The following CALML4 variants were observed in gnomAD, a reference collection of about 807,000 sequenced individuals.
The protein encoded by CALML4 is calmodulin-like protein 4.
A neutral mutation model predicts 17.9 loss-of-function variants in CALML4; 16 were observed. The ratio of observed to expected loss-of-function variants is 0.89; its 90% CI spans 0.61 to 1.36. The LOEUF (loss-of-function observed/expected upper bound fraction) is 1.36, where lower values mean the gene tolerates loss of function less well. Ranked by LOEUF, CALML4 falls within the 40% of genes most tolerant of loss-of-function variation. The pLI, the probability that CALML4 is intolerant of heterozygous loss-of-function variation, is 0.00. For synonymous variants in CALML4, 86 were observed against 71.5 expected (o/e 1.20, Z -1.02); for missense variants, 203 against 194.8 (o/e 1.04, Z -0.25).
In CALML4 at chr15:68,199,663, G is replaced by A; in HGVS notation, c.53C>T (p.Ser18Phe). The A allele has an allele frequency of 6.2e-7, 1 of 1,613,270 alleles. No homozygotes were observed. The highest frequency in any genetic ancestry group is 1.1e-5 in the South Asian group (1 of 91,042). The change falls in exon 3 of 5, where the codon TCC becomes TTC. Residue 18 changes from serine (S) to phenylalanine (F), a missense_variant. Transcript: ENST00000467889. ...CCCCCTCTGCTGCTTGTCATACAGG[G>A]AGAAGCATTCCTTGTACTCTGCACA... ...DQINEYKECF[S>F]LYDKQQRGKI...
chr15:68,202,607 T>G (rs1355683721), intron 2 of CALML4, among the ~76,000 whole-genome samples: 1 of 151,400 alleles, frequency 6.6e-6, no homozygotes, highest in Non-Finnish European at 1.5e-5. Context: ...ATAAATTCCA[T>G]CTAGCCACTT....
Position 68,191,795 on chromosome 15 carries a change from A to AC in CALML4, c.*2219dup, listed in dbSNP as rs1453955442. On this transcript the variant is annotated 3_prime_UTR_variant, in exon 5 of 5. Transcript: ENST00000467889. The stretch of plus-strand genomic sequence containing the variant: ...TTTCAGGAATGAGCTTGAAACCAGG[A>AC]CCAGGAGTAAGGTAACAGCCCTTCC... 2.0e-5 allele frequency: 3 copies of AC among 152,236 alleles called. No individual in the cohort carries two copies. The highest frequency in any genetic ancestry group is 7.2e-5 in the African/African-American group (3 of 41,454). 9.4% of individuals were successfully genotyped at this position (152,236 alleles called of 1,614,324 possible). A position where few individuals can be genotyped will look rare whatever the true frequency, so the allele number is the denominator to read the frequency against.
In CALML4 at chr15:68,196,752, C is replaced by T. The variant is rs567329679; in HGVS notation, c.364+688G>A. Reference sequence around the variant, plus strand: ...GGCTTTCCTAGAAGACCCCAGGCCTCGTCCTGCTCTGAGGCAGGACAGCCT... The same window carrying T: ...GGCTTTCCTAGAAGACCCCAGGCCTTGTCCTGCTCTGAGGCAGGACAGCCT... On this transcript the variant is annotated intron_variant, in intron 4 of 4. Transcript: ENST00000467889. Among the ~76,000 whole-genome samples, 7 of 152,266 alleles carry T rather than the reference C, an allele frequency of 4.6e-5. No homozygotes were observed. The South Asian group carries it at 6.2e-4, about 14-fold the overall frequency.
Position 68,199,634 on chromosome 15 carries a change from T to C in CALML4, c.82A>G (p.Ile28Val), listed in dbSNP as rs780279118. ...SLYDKQQRGKIKATDLMVAMR... is the reference protein window; with the variant it reads ...SLYDKQQRGKVKATDLMVAMR... Reference sequence around the variant, plus strand: ...GCCACCATGAGGTCGGTGGCTTTTATCTTCCCCCTCTGCTGCTTGTCATAC... The same window carrying C: ...GCCACCATGAGGTCGGTGGCTTTTACCTTCCCCCTCTGCTGCTTGTCATAC... Residue 28 changes from isoleucine (I) to valine (V), a missense_variant, in exon 3 of 5, where the codon ATA becomes GTA. Coordinates refer to ENST00000467889, the MANE Select transcript of CALML4 (RefSeq NM_033429.3). 5.0e-6 allele frequency: 8 copies of C among 1,613,610 alleles called. No homozygotes were observed. The South Asian group carries it at 8.8e-5, about 18-fold the overall frequency.
In CALML4 at chr15:68,193,647, TA is replaced by T. The variant is rs2093130389; in HGVS notation, c.*367del. On this transcript the variant is annotated 3_prime_UTR_variant, in exon 5 of 5. Coordinates refer to ENST00000467889, the MANE Select transcript of CALML4 (RefSeq NM_033429.3). ...TCCTTCCTCAACAGGCTCCATGAGG[TA>T]AGAAGTGGGAATCCAGCTTGTGTGG... The T allele has an allele frequency of 4.8e-6, 1 of 207,774 alleles. No individual in the cohort carries two copies. The highest frequency in any genetic ancestry group is 5.3e-5 in the Admixed American group (1 of 18,744). The allele number at this position is 207,774 out of a possible 1,614,324, so 12.9% of individuals were successfully genotyped here. A position where few individuals can be genotyped will look rare whatever the true frequency, so the allele number is the denominator to read the frequency against.
At chr15:68,202,316 C>G (rs2093167766) in intron 2 of CALML4, among the ~76,000 whole-genome samples, 1 of 152,212 alleles carries the variant, frequency 6.6e-6, no homozygotes, top group South Asian at 2.1e-4. Flanking sequence ...ATTATAAATT[C>G]CATCTAGGGC....
Position 68,191,620 on chromosome 15 carries a change from T to C in CALML4, c.*2395A>G, listed in dbSNP as rs1408347394. 1 of 152,674 alleles carries C rather than the reference T, an allele frequency of 6.5e-6. No individual in the cohort carries two copies. Among genetic ancestry groups the C allele is most frequent in the Non-Finnish European group, 1.5e-5 (1 of 68,050 alleles). 9.5% of individuals were successfully genotyped at this position (152,674 alleles called of 1,614,324 possible). A position where few individuals can be genotyped will look rare whatever the true frequency, so the allele number is the denominator to read the frequency against. Reference sequence around the variant, plus strand: ...TTCTTGCAGCATGCTTTGAGGTAAGTAATGAATATAGCCATCATTTCCCTT... The same window carrying C: ...TTCTTGCAGCATGCTTTGAGGTAAGCAATGAATATAGCCATCATTTCCCTT... On this transcript the variant is annotated 3_prime_UTR_variant, in exon 5 of 5. Coordinates refer to ENST00000467889, the MANE Select transcript of CALML4 (RefSeq NM_033429.3).
At chr15:68,194,669 C>T (rs1460575992) in intron 4 of CALML4, among the ~76,000 whole-genome samples, 1 of 152,154 alleles carries the variant, frequency 6.6e-6, no homozygotes, top group Non-Finnish European at 1.5e-5. Flanking sequence ...CAGGCATGAG[C>T]CACTGTGCCC....
At chr15:68,205,665 C>T (rs1595814851), upstream of CALML4, 3 of 412,688 alleles carry the variant, frequency 7.3e-6, no homozygotes, top group African/African-American at 6.1e-5. This position sits in a 1 kb window ranked among gnomAD's most constrained non-coding sequence, Gnocchi z 4.8. Flanking sequence ...GTATTGAAGG[C>T]TCCTCACACA....
intron 2 of CALML4, among the ~76,000 whole-genome samples, chr15:68,201,925 G>A (rs2093166625): frequency 6.6e-6 from 1 of 152,246 alleles, no homozygotes; most frequent in South Asian, 2.1e-4. Context: ...TGACAGGTCG[G>A]CCCTCTAACA....
rs756329807 is a variant in CALML4, at chr15:68,197,676, C to G, written c.176-48G>C. 9.5e-6 allele frequency: 15 copies of G among 1,575,952 alleles called. No individual in the cohort carries two copies. The Admixed American group carries it at 2.3e-4, about 24-fold the overall frequency. On this transcript the variant is annotated intron_variant, in intron 3 of 4. Transcript: ENST00000467889. The surrounding 1 kb of genome is among the most constrained non-coding windows in gnomAD (Gnocchi z 4.1). ...AGAGTGAGCAGAGGGAAAAAGACTC[C>G]TAGGAAGCCAGCTGGCCTCCTGCTG...
At chr15:68,203,292 C>T (rs566510879) in intron 2 of CALML4, among the ~76,000 whole-genome samples, 128 of 152,294 alleles carry the variant, frequency 8.4e-4, no homozygotes, top group African/African-American at 2.6e-3. Context: ...CCTATAGTTT[C>T]GATTCAACCA....
At chr15:68,205,438 G>A (rs1305072375), upstream of CALML4, 27 of 1,599,172 alleles carry the variant, frequency 1.7e-5, no homozygotes, top group South Asian at 3.3e-5. This position sits in a 1 kb window ranked among gnomAD's most constrained non-coding sequence, Gnocchi z 4.8. Context: ...CTCATGACCC[G>A]CCACCTGGGC....
At chr15:68,195,349 T>G (rs1029814418) in intron 4 of CALML4, among the ~76,000 whole-genome samples, 1 of 152,206 alleles carries the variant, frequency 6.6e-6, no homozygotes, top group African/African-American at 2.4e-5. Flanking sequence ...CCTAAGCTGA[T>G]AGTAGTTCTG....
At position 68,197,353 on chromosome 15, in the gene CALML4, C is replaced by T; in HGVS notation, c.364+87G>A. ...GCATCAACAGAGGTGGTCTGTACCA[C>T]CCTGGTGGCATCAGCTAGGCTTTGG... On this transcript the variant is annotated intron_variant, in intron 4 of 4. Transcript: ENST00000467889. This position sits in a 1 kb window ranked among gnomAD's most constrained non-coding sequence, Gnocchi z 4.1. 7.4e-7 allele frequency: 1 copy of T among 1,360,006 alleles called. No homozygotes were observed. Among genetic ancestry groups the T allele is most frequent in the Non-Finnish European group, 1.0e-6 (1 of 978,528 alleles). 84.2% of individuals were successfully genotyped at this position (1,360,006 alleles called of 1,614,324 possible).
Position 68,204,936 on chromosome 15 carries a change from T to A in CALML4, c.34+185A>T. On this transcript the variant is annotated intron_variant, in intron 2 of 4. Coordinates refer to ENST00000467889, the MANE Select transcript of CALML4 (RefSeq NM_033429.3). The surrounding 1 kb of genome is among the most constrained non-coding windows in gnomAD (Gnocchi z 6.0). ...ACTGACAAGTATAAAGCCACATGTC[T>A]ATTTTGGAGGCTTACCCCCAACCCC... Among the ~76,000 whole-genome samples, 1 of 151,996 alleles carries A rather than the reference T, an allele frequency of 6.6e-6. No homozygotes were observed. Among genetic ancestry groups the A allele is most frequent in the East Asian group, 1.9e-4 (1 of 5,168 alleles).
rs931704874 is a variant in CALML4, at chr15:68,204,223, C to G, written c.34+898G>C. 3.2e-4 allele frequency among the ~76,000 whole-genome samples: 48 copies of G among 152,272 alleles called. No individual in the cohort carries two copies. Among genetic ancestry groups the G allele is most frequent in the South Asian group, 2.1e-4 (1 of 4,832 alleles). On this transcript the variant is annotated intron_variant, in intron 2 of 4. Transcript: ENST00000467889. This position sits in a 1 kb window ranked among gnomAD's most constrained non-coding sequence, Gnocchi z 6.0. Reference sequence around the variant, plus strand: ...GAACTCCTGCCCAGGTAACCCTAACCCCACTTGGCTGGGCTCTCAGGACCC... The same window carrying G: ...GAACTCCTGCCCAGGTAACCCTAACGCCACTTGGCTGGGCTCTCAGGACCC...
At chr15:68,196,069 G>A (rs926305979) in intron 4 of CALML4, among the ~76,000 whole-genome samples, 2 of 152,184 alleles carry the variant, frequency 1.3e-5, no homozygotes, top group Non-Finnish European at 2.9e-5. Flanking sequence ...TATTTATGGA[G>A]ATAAAGTCTC....
chr15:68,194,540 T>C lies in CALML4; in HGVS notation c.365-428A>G, dbSNP rs528708277. On this transcript the variant is annotated intron_variant, in intron 4 of 4. Coordinates refer to ENST00000467889, the MANE Select transcript of CALML4 (RefSeq NM_033429.3). ...CTGAGCTTACAGGCAAGTACCACCA[T>C]GCCCGGCTAATTTTTGTATTTTTAG... is the stretch of plus-strand genomic sequence containing the variant. Among the ~76,000 whole-genome samples the C allele has an allele frequency of 6.6e-5, 10 of 152,084 alleles. No individual in the cohort carries two copies. In the East Asian group the frequency reaches 1.9e-3, roughly 29 times the overall value.
Sources: allele counts gnomAD v4.1 joint callset (sites outside exome capture counted in the v4.1 genomes callset), GRCh38; gene constraint gnomAD v4.1.1; non-coding constraint Gnocchi (gnomAD v3.1); transcripts MANE v1.5; gene names NCBI Gene and HGNC (gene_info 2026-07-23, HGNC 2026-07-21).